CHD1L: variants seen among roughly 807,000 people sequenced by gnomAD.
CHD1L encodes the protein chromodomain helicase DNA binding protein 1 like.
CHD1L carries 118 observed loss-of-function variants against 115.9 expected under a neutral mutation model. The ratio of observed to expected loss-of-function variants is 1.02; its 90% CI spans 0.88 to 1.19. The LOEUF (loss-of-function observed/expected upper bound fraction) is 1.19, where lower values mean the gene tolerates loss of function less well. CHD1L is among the 50% of genes most tolerant of loss of function. CHD1L has a pLI of 0.00. For missense variants in CHD1L, 1,179 were observed against 1,065.3 expected, an observed-to-expected ratio of 1.11 and a Z score of -1.49; for synonymous variants, 411 against 387.1, an observed-to-expected ratio of 1.06 and a Z score of -0.72.
chr1:147,231,910 T>A, the CHD1L span, among the ~76,000 whole-genome samples: 1 of 152,304 alleles, frequency 6.6e-6, no homozygotes, highest in East Asian at 1.9e-4. Flanking sequence ...CTGCTTCAGT[T>A]CATGGTCAGT....
At chr1:147,267,784 C>T (rs1359169071) in intron 9 of CHD1L, among the ~76,000 whole-genome samples, 3 of 152,166 alleles carry the variant, frequency 2.0e-5, no homozygotes, top group African/African-American at 7.2e-5. Context: ...TTTGCCATGT[C>T]TCTTTATTCT....
At chr1:147,228,170 C>A in the CHD1L span, among the ~76,000 whole-genome samples, 54 of 152,052 alleles carry the variant, frequency 3.6e-4, no homozygotes, top group African/African-American at 9.4e-4. Context: ...GCCCCCCACC[C>A]CACAACAGGC....
chr1:147,261,978 G>A (rs1283967079), intron 6 of CHD1L, among the ~76,000 whole-genome samples: 3 of 151,974 alleles, frequency 2.0e-5, no homozygotes, highest in African/African-American at 4.8e-5. Context: ...GGTGGATCAC[G>A]AGGTCAGGAG....
the CHD1L span, chr1:147,190,302 A>T: frequency 9.0e-7 from 1 of 1,105,348 alleles, no homozygotes; most frequent in South Asian, 1.3e-5. Context: ...AAGGAACAAT[A>T]ATCCTATAAA....
intron 17 of CHD1L, 22 bp downstream of exon 17, chr1:147,285,509 T>C: frequency 6.3e-7 from 1 of 1,599,546 alleles, no homozygotes; most frequent in Non-Finnish European, 8.5e-7. Context: ...TTAACCAAGC[T>C]GGCGGCCACA....
At chr1:147,193,307 A>G in the CHD1L span, among the ~76,000 whole-genome samples, 2 of 152,098 alleles carry the variant, frequency 1.3e-5, no homozygotes, top group African/African-American at 2.4e-5. Flanking sequence ...AGAGGTGTTT[A>G]TAGTATTCTC....
chr1:147,251,811 G>A (rs587732480), intron 1 of CHD1L, among the ~76,000 whole-genome samples: 194 of 152,294 alleles, frequency 1.3e-3, no homozygotes, highest in Non-Finnish European at 2.2e-3. Flanking sequence ...GATTACAGGC[G>A]TGAGATACTG....
intron 1 of CHD1L, among the ~76,000 whole-genome samples, chr1:147,250,127 T>C (rs1259329419): frequency 2.0e-5 from 3 of 152,214 alleles, no homozygotes; most frequent in Non-Finnish European, 4.4e-5. Flanking sequence ...TTCCTGTTTT[T>C]TTCAGTTGTT....
intron 6 of CHD1L, chr1:147,260,486 G>A (rs1671558609): frequency 6.6e-6 from 1 of 152,028 alleles, no homozygotes; most frequent in African/African-American, 2.4e-5. Flanking sequence ...ATTGGAGATA[G>A]GTTTACTAAT....
chr1:147,190,225 C>T, the CHD1L span: 4 of 1,611,204 alleles, frequency 2.5e-6, no homozygotes, highest in African/African-American at 1.3e-5. Context: ...CATCATTTCA[C>T]TCTGTGAGGG....
the CHD1L span, chr1:147,215,895 G>A: frequency 6.2e-7 from 1 of 1,612,964 alleles, no homozygotes; most frequent in South Asian, 1.1e-5. Context: ...TAGAAGTATT[G>A]ATGATCACTG....
chr1:147,214,283 C>G, the CHD1L span, among the ~76,000 whole-genome samples: 1 of 152,112 alleles, frequency 6.6e-6, no homozygotes, highest in African/African-American at 2.4e-5. Context: ...GAAACCCCGT[C>G]TCTACTACAA....
chr1:147,252,909 C>G (rs587624822), intron 2 of CHD1L, among the ~76,000 whole-genome samples, 174 bp downstream of exon 2: 3 of 152,356 alleles, frequency 2.0e-5, no homozygotes, highest in South Asian at 4.1e-4. Flanking sequence ...GTCTTCTCTG[C>G]CTCAGTCATT....
the CHD1L span, among the ~76,000 whole-genome samples, chr1:147,203,114 C>CTTTTTTT: frequency 6.8e-6 from 1 of 147,746 alleles, no homozygotes; most frequent in Non-Finnish European, 1.5e-5. Context: ...CAAAGGTTTC[C>CTTTTTTT]TTTTTTTTTT....
At chr1:147,193,872 C>T in the CHD1L span, among the ~76,000 whole-genome samples, 950 of 152,144 alleles carry the variant, frequency 6.2e-3, 14 homozygotes, top group African/African-American at 0.022. Context: ...GTCTGAGAGA[C>T]AGTTTGTTAT....
chr1:147,270,091 G>A (rs1385293910), intron 10 of CHD1L, among the ~76,000 whole-genome samples: 2 of 152,264 alleles, frequency 1.3e-5, no homozygotes, highest in African/African-American at 2.4e-5. Flanking sequence ...GAGGTTTTCA[G>A]GTTCATTGCT....
chr1:147,209,004 C>G, the CHD1L span: 2 of 1,614,112 alleles, frequency 1.2e-6, no homozygotes, highest in South Asian at 2.2e-5. Flanking sequence ...ATCCGTAGTC[C>G]CCTACACGAT....
Position 147,267,601 on chromosome 1 carries a change from G to T in CHD1L, c.988+83G>T, listed in dbSNP as rs1395481720. 3.9e-6 allele frequency: 4 copies of T among 1,018,694 alleles called. No individual in the cohort carries two copies. The African/African-American group carries it at 6.5e-5, about 17-fold the overall frequency. 63.1% of individuals were successfully genotyped at this position (1,018,694 alleles called of 1,614,324 possible). The stretch of plus-strand genomic sequence containing the variant: ...CATACCAAAATTCTTCAAAATAATT[G>T]CATATACTTACTTTGTCTACTTTGT... On this transcript the variant is annotated intron_variant, in intron 9 of 22. Coordinates refer to ENST00000369258, the MANE Select transcript of CHD1L (RefSeq NM_004284.6).
the CHD1L span, among the ~76,000 whole-genome samples, chr1:147,218,923 G>A: frequency 6.6e-6 from 1 of 152,170 alleles, no homozygotes; most frequent in African/African-American, 2.4e-5. Context: ...CATCCTCCAA[G>A]CTCCCAAAAC....
Sources: gnomAD v4.1 joint callset for allele counts (sites outside exome capture counted in the v4.1 genomes callset) on GRCh38, gnomAD v4.1.1 for gene constraint, MANE v1.5 for transcripts, NCBI Gene and HGNC (gene_info 2026-07-23, HGNC 2026-07-21) for gene names.